TNRC6B: variants seen among roughly 807,000 people sequenced by gnomAD.
TNRC6B encodes the protein trinucleotide repeat containing adaptor 6B, also known as trinucleotide repeat-containing gene 6B protein.
A neutral mutation model predicts 203.6 loss-of-function variants in TNRC6B; 52 were observed. That is an observed-to-expected ratio of 0.26 (90% CI 0.20 to 0.32). TNRC6B has a LOEUF of 0.32. Among genes scored for constraint, TNRC6B ranks in the 10% least tolerant of loss-of-function variants. The pLI is 1.00. For missense variants in TNRC6B, 1,923 were observed against 2,286.2 expected, an observed-to-expected ratio of 0.84 and a Z score of 3.24; for synonymous variants, 838 against 845.7, an observed-to-expected ratio of 0.99 and a Z score of 0.16.
chr22:40,159,663 A>C (rs1256128937), intron 4 of TNRC6B, among the ~76,000 whole-genome samples: 1 of 79,120 alleles, frequency 1.3e-5, no homozygotes, highest in African/African-American at 1.2e-4. Context: ...AAAATTTAAA[A>C]ATTTAAAAAA....
intron 2 of TNRC6B, chr22:40,125,749 T>G: frequency 6.4e-7 from 1 of 1,553,120 alleles, no homozygotes; most frequent in Non-Finnish European, 8.7e-7. Context: ...CCTTACATAC[T>G]TTTTTCTTCT....
At chr22:40,150,915 G>A (rs2068745791) in intron 3 of TNRC6B, among the ~76,000 whole-genome samples, 1 of 151,970 alleles carries the variant, frequency 6.6e-6, no homozygotes, top group Non-Finnish European at 1.5e-5. Flanking sequence ...GCTAACCCCT[G>A]GATAAGGAAA....
At chr22:40,118,834 CATT>C (rs1345811336) in intron 2 of TNRC6B, among the ~76,000 whole-genome samples, 2 of 152,154 alleles carry the variant, frequency 1.3e-5, no homozygotes, top group African/African-American at 2.4e-5. Context: ...AGGAAGGAAT[CATT>C]ATTTCTGCCT....
In TNRC6B at chr22:40,301,185, G is replaced by A; in HGVS notation, c.3972G>A (p.Gln1324=). Reference sequence around the variant, plus strand: ...TGGTGAGTGCACTGCAGCAGCAGCAGCAGCAGCAGCAGAGGCAGCCAGGCA... The same window carrying A: ...TGGTGAGTGCACTGCAGCAGCAGCAACAGCAGCAGCAGAGGCAGCCAGGCA... ...ARMVSALQQQ[Q]QQQQRQPGMK... Residue 1324 remains glutamine, a synonymous_variant, in exon 15 of 23, where the codon CAG becomes CAA. Coordinates refer to ENST00000454349, the MANE Select transcript of TNRC6B (RefSeq NM_001162501.2). 3 of 1,553,274 alleles carry A rather than the reference G, an allele frequency of 1.9e-6. No homozygotes were observed. Among genetic ancestry groups the A allele is most frequent in the Non-Finnish European group, 2.6e-6 (3 of 1,147,816 alleles).
Position 40,057,543 on chromosome 22 carries a change from C to T in TNRC6B, c.-121+12545C>T, listed in dbSNP as rs781325759. On this transcript the variant is annotated intron_variant, in intron 1 of 23. Coordinates refer to the TNRC6B transcript ENST00000301923. ...CCTGACCTCAGGTGATCCGCAGCCTCCCAAAGTGCTGGGATTACAGGCGTG... is the reference window on the plus strand; with the variant it reads ...CCTGACCTCAGGTGATCCGCAGCCTTCCAAAGTGCTGGGATTACAGGCGTG... 4.3e-4 allele frequency among the ~76,000 whole-genome samples: 66 copies of T among 152,124 alleles called. 1 individual carries two copies. The highest frequency in any genetic ancestry group is 8.8e-5 in the Non-Finnish European group (6 of 68,014).
intron 1 of TNRC6B, among the ~76,000 whole-genome samples, chr22:40,075,364 G>T (rs969784360): frequency 5.3e-5 from 8 of 150,868 alleles, no homozygotes; most frequent in Admixed American, 2.0e-4. Flanking sequence ...AATGAATTTA[G>T]CCCTTTGTAA....
chr22:40,304,604 T>C (rs1340699221), intron 15 of TNRC6B, among the ~76,000 whole-genome samples: 1 of 152,214 alleles, frequency 6.6e-6, no homozygotes, highest in East Asian at 1.9e-4. Context: ...TAGTGCTTTA[T>C]GTCAACAAAG....
chr22:40,163,855 TA>T (rs2068894378), intron 4 of TNRC6B, among the ~76,000 whole-genome samples: 1 of 151,490 alleles, frequency 6.6e-6, no homozygotes. Flanking sequence ...ATTTTATAAA[TA>T]AAATAAGGGG....
intron 3 of TNRC6B, among the ~76,000 whole-genome samples, chr22:40,134,593 A>G (rs746995294): frequency 8.5e-5 from 13 of 152,218 alleles, no homozygotes; most frequent in Non-Finnish European, 1.8e-4. Context: ...GAGGGATAGC[A>G]TTAGGAGAAA....
intron 1 of TNRC6B, among the ~76,000 whole-genome samples, chr22:40,187,306 A>G (rs2069216733): frequency 6.6e-6 from 1 of 152,230 alleles, no homozygotes; most frequent in African/African-American, 2.4e-5. Context: ...GGCTTATCCT[A>G]GTGGAATTTT....
At chr22:40,275,151 T>A (rs1442280028) in intron 7 of TNRC6B, among the ~76,000 whole-genome samples, 4 of 152,250 alleles carry the variant, frequency 2.6e-5, no homozygotes, top group Non-Finnish European at 4.4e-5. Context: ...TGTTTAGAGA[T>A]GTTTTGCTTA....
chr22:40,311,828 C>T (rs1177374458), intron 17 of TNRC6B, among the ~76,000 whole-genome samples: 2 of 152,230 alleles, frequency 1.3e-5, no homozygotes, highest in Non-Finnish European at 2.9e-5. Context: ...CAGGCGTGAG[C>T]CACCACGCCC....
chr22:40,289,113 C>A (rs2070833582), intron 12 of TNRC6B, among the ~76,000 whole-genome samples: 1 of 152,032 alleles, frequency 6.6e-6, no homozygotes, highest in Admixed American at 6.6e-5. Flanking sequence ...CCGCGCCCAG[C>A]CTACAAAAAA....
rs59591920 is a variant in TNRC6B at position 40,241,346 on chromosome 22, G to A, written c.6-4669G>A. Among the ~76,000 whole-genome samples the A allele has an allele frequency of 7.8e-3, 1,186 of 152,268 alleles. 11 individuals carry two copies. The highest frequency in any genetic ancestry group is 0.026 in the African/African-American group (1,091 of 41,544). ...GGAAAAAATTAACACACCGATTCAT[G>A]ACCACCACTTACTCTTCAGCTCCAT... On this transcript the variant is annotated intron_variant, in intron 1 of 22. Coordinates refer to ENST00000454349, the MANE Select transcript of TNRC6B (RefSeq NM_001162501.2).
intron 9 of TNRC6B, among the ~76,000 whole-genome samples, chr22:40,278,556 CAAAA>C (rs34010156): frequency 1.0e-4 from 8 of 78,744 alleles, no homozygotes; most frequent in African/African-American, 4.1e-4. Flanking sequence ...GACTCAGTCT[CAAAA>C]AAAAAAAAAA....
intron 3 of TNRC6B, among the ~76,000 whole-genome samples, chr22:40,132,991 T>TATA (rs1348931374): frequency 7.4e-6 from 1 of 135,762 alleles, no homozygotes; most frequent in Non-Finnish European, 1.6e-5. Flanking sequence ...TATATATATA[T>TATA]TCTGTAAAAT....
At chr22:40,289,654 C>T (rs2070842107) in intron 12 of TNRC6B, among the ~76,000 whole-genome samples, 1 of 152,186 alleles carries the variant, frequency 6.6e-6, no homozygotes, top group African/African-American at 2.4e-5. Flanking sequence ...AATACATATT[C>T]AGCAGAATGT....
At chr22:40,208,059 A>G (rs2069506747) in intron 1 of TNRC6B, among the ~76,000 whole-genome samples, 1 of 144,472 alleles carries the variant, frequency 6.9e-6, no homozygotes, top group African/African-American at 2.4e-5. Flanking sequence ...GCTTGCAGTG[A>G]GCTGAGATGC....
At chr22:40,066,097 T>C (rs1398914831) in intron 1 of TNRC6B, among the ~76,000 whole-genome samples, 1 of 152,070 alleles carries the variant, frequency 6.6e-6, no homozygotes, top group African/African-American at 2.4e-5. Context: ...AATCTAGCTC[T>C]GGCTCCTCAA....
Sources: gnomAD v4.1 joint callset for allele counts (sites outside exome capture counted in the v4.1 genomes callset) on GRCh38, gnomAD v4.1.1 for gene constraint, MANE v1.5 for transcripts, NCBI Gene and HGNC (gene_info 2026-07-23, HGNC 2026-07-21) for gene names.